The following NUP37 variants were observed in gnomAD, a reference collection of about 807,000 sequenced individuals.
NUP37 encodes nucleoporin 37.
Under a neutral mutation model 45.4 loss-of-function variants are expected in NUP37, and 33 were observed. The ratio of observed to expected loss-of-function variants is 0.73; its 90% confidence interval spans 0.55 to 0.97. The LOEUF (loss-of-function observed/expected upper bound fraction) is 0.97, where lower values mean the gene tolerates loss of function less well. Among genes scored for constraint, NUP37 ranks in the 50% least tolerant of loss-of-function variants. NUP37 has a pLI of 0.00. For synonymous variants in NUP37, 127 were observed against 130.7 expected, an observed-to-expected ratio of 0.97 and a Z score of 0.19; for missense variants, 365 against 389.7, an observed-to-expected ratio of 0.94 and a Z score of 0.53.
chr12:102,076,035 T>C (rs1383594517), intron 8 of NUP37, among the ~76,000 whole-genome samples: 4 of 152,160 alleles, frequency 2.6e-5, no homozygotes, highest in Non-Finnish European at 4.4e-5. Flanking sequence ...CTTGATGACA[T>C]TGATGAGCTG....
rs1880552148 is a variant in NUP37, at chr12:102,118,488, AG to A, written c.30del (p.Tyr11ThrfsTer12). 1 of 1,609,828 alleles carries A rather than the reference AG, an allele frequency of 6.2e-7. No individual in the cohort carries two copies. The highest frequency in any genetic ancestry group is 8.5e-7 in the Non-Finnish European group (1 of 1,179,182). On this transcript the variant is annotated frameshift_variant, in exon 2 of 10. Coordinates refer to ENST00000552283, the MANE Select transcript of NUP37 (RefSeq NM_024057.4). LOFTEE classifies it high-confidence loss of function. MKQDASRNA[A>X]YTVDCEDYVH... Reference sequence around the variant, plus strand: ...ACATAATCTTCACAATCCACAGTGTAGGCAGCATTTCTTGAGGCATCTTGCT... The same window carrying A: ...ACATAATCTTCACAATCCACAGTGTAGCAGCATTTCTTGAGGCATCTTGCT...
intron 9 of NUP37, 43 bp downstream of exon 9, chr12:102,074,956 TAA>T (rs757754255): frequency 3.9e-3 from 3,977 of 1,009,262 alleles, no homozygotes; most frequent in South Asian, 7.4e-3. Context: ...AAACACAAAT[TAA>T]AAAAAAAAAA....
chr12:102,101,702 A>G (rs1158187358), intron 3 of NUP37, among the ~76,000 whole-genome samples: 1 of 152,178 alleles, frequency 6.6e-6, no homozygotes, highest in Non-Finnish European at 1.5e-5. Flanking sequence ...TATTAAATTA[A>G]AAAACAAAAC....
At chr12:102,093,079 T>C (rs1879707318) in intron 5 of NUP37, among the ~76,000 whole-genome samples, 1 of 152,124 alleles carries the variant, frequency 6.6e-6, no homozygotes, top group Non-Finnish European at 1.5e-5. Flanking sequence ...GAGATAATTG[T>C]ACAGGCTTAT....
chr12:102,079,255 T>G (rs547170161), intron 6 of NUP37: 15 of 455,952 alleles, frequency 3.3e-5, no homozygotes, highest in African/African-American at 2.0e-4. Context: ...TTCAAAAACT[T>G]ACTGTATGGC....
At chr12:102,103,920 A>G (rs75162381) in intron 3 of NUP37, among the ~76,000 whole-genome samples, 28,652 of 152,126 alleles carry the variant, frequency 0.19, 2,740 homozygotes, top group Non-Finnish European at 0.21. Context: ...CTTAATGGTG[A>G]GAAGATGGTG....
At chr12:102,079,589 C>T (rs1879275399) in intron 6 of NUP37, among the ~76,000 whole-genome samples, 1 of 152,068 alleles carries the variant, frequency 6.6e-6, no homozygotes, top group South Asian at 2.1e-4. Context: ...TAATATAGAC[C>T]TCACCATGAA....
intron 8 of NUP37, 88 bp from the exon 9 acceptor site, chr12:102,075,182 CTT>C: frequency 1.2e-6 from 1 of 809,390 alleles, no homozygotes; most frequent in African/African-American, 1.8e-5. Context: ...TTTTCTTTTT[CTT>C]TTTTTTTAAG....
At position 102,112,247 on chromosome 12, in the gene NUP37, T is replaced by C. The variant is rs745871506; in HGVS notation, c.157-15A>G. ...GCTTCTTCTTCCTAAGCATACACAGTAAATGTTTTAATAAGTAATGAGAAC... is the reference window on the plus strand; with the variant it reads ...GCTTCTTCTTCCTAAGCATACACAGCAAATGTTTTAATAAGTAATGAGAAC... On this transcript the variant is annotated splice_polypyrimidine_tract_variant and intron_variant, in intron 2 of 9. Transcript: ENST00000552283. The C allele has an allele frequency of 6.3e-7, 1 of 1,594,360 alleles. No individual in the cohort carries two copies. The highest frequency in any genetic ancestry group is 1.1e-5 in the South Asian group (1 of 88,920).
At chr12:102,100,168 A>G (rs1879931237) in intron 4 of NUP37, among the ~76,000 whole-genome samples, 1 of 152,204 alleles carries the variant, frequency 6.6e-6, no homozygotes, top group Admixed American at 6.5e-5. Flanking sequence ...TTTATGTGCC[A>G]TTTATATACT....
At position 102,118,528 on chromosome 12, in the gene NUP37, C is replaced by A; in HGVS notation, c.-10G>T. On this transcript the variant is annotated 5_prime_UTR_variant, in exon 2 of 10. Transcript: ENST00000552283. ...AGGCATCTTGCTTCATCTTGTATGT[C>A]AAAATTCAAGCAGTTGTGAAAATTA... is the stretch of plus-strand genomic sequence containing the variant. The A allele has an allele frequency of 6.2e-7, 1 of 1,603,360 alleles. No homozygotes were observed. The highest frequency in any genetic ancestry group is 8.5e-7 in the Non-Finnish European group (1 of 1,176,590).
intron 5 of NUP37, among the ~76,000 whole-genome samples, chr12:102,092,167 T>C (rs1388963169): frequency 6.6e-6 from 1 of 152,224 alleles, no homozygotes; most frequent in Non-Finnish European, 1.5e-5. Context: ...AGCTCATTGT[T>C]TGCTAGGAAA....
At chr12:102,113,637 C>T (rs1880378067) in intron 2 of NUP37, among the ~76,000 whole-genome samples, 1 of 152,102 alleles carries the variant, frequency 6.6e-6, no homozygotes, top group African/African-American at 2.4e-5. Context: ...ATTTTCGCGA[C>T]AAATTTGTCC....
chr12:102,098,444 TATC>T (rs1463527335), intron 5 of NUP37, among the ~76,000 whole-genome samples: 1 of 152,170 alleles, frequency 6.6e-6, no homozygotes, highest in African/African-American at 2.4e-5. Flanking sequence ...CACACAAACT[TATC>T]ATACAGCATC....
chr12:102,075,182 C>CT (rs1240366038), intron 8 of NUP37, 88 bp from the exon 9 acceptor site: 639 of 807,520 alleles, frequency 7.9e-4, no homozygotes, highest in South Asian at 8.8e-4. Flanking sequence ...TTTTCTTTTT[C>CT]TTTTTTTTTA....
chr12:102,105,824 T>C (rs1402762617), intron 3 of NUP37, among the ~76,000 whole-genome samples: 1 of 139,656 alleles, frequency 7.2e-6, no homozygotes, highest in Non-Finnish European at 1.5e-5. Context: ...ATCACGCCAA[T>C]GCACTCCAGC....
intron 9 of NUP37, 41 bp downstream of exon 9, chr12:102,074,956 TAAAA>T: frequency 3.9e-6 from 4 of 1,031,468 alleles, no homozygotes; most frequent in South Asian, 4.0e-5. Context: ...AAACACAAAT[TAAAA>T]AAAAAAAAAG....
rs1565834555 is a variant in NUP37 at position 102,102,135 on chromosome 12, A to C, written c.282-1031T>G. ...AAATTATATTTATATACTGAAAAAC[A>C]AAGTTTATTTTCAATTCTTTGGTAG... On this transcript the variant is annotated intron_variant, in intron 3 of 9. Transcript: ENST00000552283. 2.6e-5 allele frequency among the ~76,000 whole-genome samples: 4 copies of C among 152,352 alleles called. No individual in the cohort carries two copies. The East Asian group carries it at 7.7e-4, about 29-fold the overall frequency.
intron 9 of NUP37, 128 bp from the exon 10 acceptor site, chr12:102,074,595 C>T (rs937673357): frequency 6.5e-6 from 4 of 616,028 alleles, no homozygotes; most frequent in African/African-American, 5.6e-5. Flanking sequence ...TAAAAATATG[C>T]TCCCTTACAG....
Sources: allele counts gnomAD v4.1 joint callset (sites outside exome capture counted in the v4.1 genomes callset), GRCh38; gene constraint gnomAD v4.1.1; transcripts MANE v1.5; gene names NCBI Gene and HGNC (gene_info 2026-07-23, HGNC 2026-07-21).